AUH: variants seen among roughly 807,000 people sequenced by gnomAD.
AUH encodes methylglutaconyl-CoA hydratase, mitochondrial.
A neutral mutation model predicts 42.3 loss-of-function variants in AUH; 29 were observed. That is an observed-to-expected ratio of 0.69 (90% CI 0.51 to 0.93). The LOEUF is 0.93. Ranked by LOEUF, AUH falls within the 40% of genes least tolerant of loss-of-function variation. AUH has a pLI of 0.00. For synonymous variants in AUH, 174 were observed against 166.4 expected (o/e 1.05, Z -0.35); for missense variants, 452 against 438.1 (o/e 1.03, Z -0.28).
At chr9:91,267,533 T>TC (rs1705399679) in intron 6 of AUH, among the ~76,000 whole-genome samples, 1 of 152,130 alleles carries the variant, frequency 6.6e-6, no homozygotes, top group African/African-American at 2.4e-5. Flanking sequence ...GCACTTTTAT[T>TC]CCTTTGGGCC....
intron 6 of AUH, among the ~76,000 whole-genome samples, chr9:91,273,166 G>A (rs1438671277): frequency 1.3e-5 from 2 of 152,160 alleles, no homozygotes; most frequent in African/African-American, 4.8e-5. Flanking sequence ...AGCCACACCC[G>A]AGAGGCCCAC....
At chr9:91,224,467 T>C (rs935933313) in intron 6 of AUH, among the ~76,000 whole-genome samples, 1 of 152,180 alleles carries the variant, frequency 6.6e-6, no homozygotes, top group African/African-American at 2.4e-5. Flanking sequence ...TGGTCCAATT[T>C]ACCTCTTTTT....
intron 3 of AUH, among the ~76,000 whole-genome samples, chr9:91,349,022 C>A (rs1258772137): frequency 6.6e-6 from 1 of 152,156 alleles, no homozygotes; most frequent in Non-Finnish European, 1.5e-5. Flanking sequence ...TATCCCTTCA[C>A]GTTACTTATC....
chr9:91,262,521 T>G (rs896889774), intron 6 of AUH, among the ~76,000 whole-genome samples: 11 of 152,188 alleles, frequency 7.2e-5, no homozygotes, highest in Admixed American at 6.6e-4. Flanking sequence ...GAGAGTAAAC[T>G]TAGCCACTTG....
chr9:91,344,910 TAATC>T lies in AUH; in HGVS notation c.418+10969_418+10972del, dbSNP rs935770742. On this transcript the variant is annotated intron_variant, in intron 3 of 9. Coordinates refer to ENST00000375731, the MANE Select transcript of AUH (RefSeq NM_001698.3). ...GGAATACACAATTGTTAATAATTGA[TAATC>T]AATCAATCATTCACCATATTGACAG... is the stretch of plus-strand genomic sequence containing the variant. Among the ~76,000 whole-genome samples the T allele has an allele frequency of 9.6e-4, 146 of 152,114 alleles. 1 individual carries two copies. The highest frequency in any genetic ancestry group is 3.1e-3 in the African/African-American group (130 of 41,504).
At chr9:91,277,583 A>G (rs1015298232) in intron 6 of AUH, among the ~76,000 whole-genome samples, 1 of 152,146 alleles carries the variant, frequency 6.6e-6, no homozygotes, top group Non-Finnish European at 1.5e-5. Context: ...TAGGGAAAAA[A>G]TCTATGTATG....
At chr9:91,317,826 C>T (rs1829269398) in intron 4 of AUH, among the ~76,000 whole-genome samples, 1 of 152,172 alleles carries the variant, frequency 6.6e-6, no homozygotes, top group South Asian at 2.1e-4. Context: ...GAACATTTTC[C>T]ATGAATACAT....
At chr9:91,222,704 T>G (rs890932239) in intron 6 of AUH, among the ~76,000 whole-genome samples, 3 of 152,202 alleles carry the variant, frequency 2.0e-5, no homozygotes, top group African/African-American at 7.2e-5. Flanking sequence ...AACACAGATA[T>G]AAATATAACT....
chr9:91,313,226 G>C, intron 4 of AUH, among the ~76,000 whole-genome samples: 1 of 152,170 alleles, frequency 6.6e-6, no homozygotes, highest in East Asian at 1.9e-4. Context: ...GCATTTTGCA[G>C]GAGTGACTAT....
At chr9:91,336,262 A>C (rs1830680589) in intron 3 of AUH, among the ~76,000 whole-genome samples, 2 of 152,206 alleles carry the variant, frequency 1.3e-5, no homozygotes, top group Admixed American at 1.3e-4. Context: ...AAATATACAA[A>C]TATATACTCA....
intron 6 of AUH, among the ~76,000 whole-genome samples, chr9:91,270,450 T>C (rs1324775374): frequency 6.6e-6 from 1 of 152,172 alleles, no homozygotes; most frequent in Non-Finnish European, 1.5e-5. Context: ...GGAAGGAGAA[T>C]AGATCCTGGA....
rs180986961 is a variant in AUH, at chr9:91,276,623, G to A, written c.655+19398C>T. On this transcript the variant is annotated intron_variant, in intron 6 of 9. Coordinates refer to ENST00000375731, the MANE Select transcript of AUH (RefSeq NM_001698.3). ...AAAGGTTACTGACTCACTTTGCAGC[G>A]CCACATCTAAAGAAAAATGCAAGTA... Among the ~76,000 whole-genome samples the A allele has an allele frequency of 6.6e-4, 101 of 152,020 alleles. 1 individual carries two copies. Among genetic ancestry groups the A allele is most frequent in the African/African-American group, 2.3e-3 (94 of 41,468 alleles).
chr9:91,235,526 G>C (rs1828128710), intron 6 of AUH, among the ~76,000 whole-genome samples: 1 of 152,142 alleles, frequency 6.6e-6, no homozygotes, highest in African/African-American at 2.4e-5. Context: ...TGTGAGACTG[G>C]ACACAGAGAA....
chr9:91,336,117 T>C (rs1830666855), intron 3 of AUH, among the ~76,000 whole-genome samples: 1 of 152,122 alleles, frequency 6.6e-6, no homozygotes, highest in Non-Finnish European at 1.5e-5. Context: ...AGAAAAATAA[T>C]AGTGAAAAAA....
Position 91,361,645 on chromosome 9 carries a change from A to T in AUH, c.245T>A (p.Leu82Gln). 1 of 1,584,336 alleles carries T rather than the reference A, an allele frequency of 6.3e-7. No individual in the cohort carries two copies. The highest frequency in any genetic ancestry group is 2.3e-5 in the East Asian group (1 of 43,294). ...CACCTCACCTCGGTTCTCCTCCTCC[A>T]GGTGCCGCACCCGCAGCTCGTCCTC... ...KTEDELRVRHLEEENRGIVVL... is the reference protein window; with the variant it reads ...KTEDELRVRHQEEENRGIVVL... The change falls in exon 1 of 10, where the codon CTG (leucine) becomes CAG (glutamine). Residue 82 changes from leucine to glutamine, a missense_variant. By Grantham distance (113) the Leu-to-Gln change is moderately radical (BLOSUM62 -2). Coordinates refer to ENST00000375731, the MANE Select transcript of AUH (RefSeq NM_001698.3).
At chr9:91,268,649 C>G (rs187249933) in intron 6 of AUH, among the ~76,000 whole-genome samples, 1 of 152,238 alleles carries the variant, frequency 6.6e-6, no homozygotes, top group Non-Finnish European at 1.5e-5. Context: ...AGGCTGGTCT[C>G]AAACTCCTGA....
At chr9:91,343,757 A>G (rs1403709351) in intron 3 of AUH, among the ~76,000 whole-genome samples, 1 of 152,198 alleles carries the variant, frequency 6.6e-6, no homozygotes, top group African/African-American at 2.4e-5. Flanking sequence ...ATAATCAATC[A>G]GATATCATTA....
chr9:91,262,048 TA>T (rs1829734053), intron 6 of AUH, among the ~76,000 whole-genome samples: 1 of 152,204 alleles, frequency 6.6e-6, no homozygotes, highest in Non-Finnish European at 1.5e-5. Flanking sequence ...AAAAGATTTT[TA>T]AAAGTTCAGT....
At chr9:91,268,146 A>C (rs531944430) in intron 6 of AUH, among the ~76,000 whole-genome samples, 1 of 152,370 alleles carries the variant, frequency 6.6e-6, no homozygotes, top group African/African-American at 2.4e-5. Flanking sequence ...CAAATTCAGT[A>C]GCTTTTTACC....
Sources: allele counts gnomAD v4.1 joint callset (sites outside exome capture counted in the v4.1 genomes callset), GRCh38; gene constraint gnomAD v4.1.1; transcripts MANE v1.5; gene names NCBI Gene and HGNC (gene_info 2026-07-23, HGNC 2026-07-21).